HSD17B4: variants seen among roughly 807,000 people sequenced by gnomAD.
The protein encoded by HSD17B4 is peroxisomal multifunctional enzyme type 2.
HSD17B4 carries 70 observed loss-of-function variants against 101.0 expected under a neutral mutation model. That is an observed-to-expected ratio of 0.69 (90% confidence interval 0.57 to 0.85). HSD17B4 has a LOEUF of 0.85. Ranked by LOEUF, HSD17B4 falls within the 40% of genes least tolerant of loss-of-function variation. The pLI, the probability that HSD17B4 is intolerant of heterozygous loss-of-function variation, is 0.00. For missense variants in HSD17B4, 984 were observed against 892.4 expected, an observed-to-expected ratio of 1.10 and a Z score of -1.31; for synonymous variants, 347 against 297.1, an observed-to-expected ratio of 1.17 and a Z score of -1.73.
chr5:119,471,832 T>C, intron 2 of HSD17B4: 4 of 548,906 alleles, frequency 7.3e-6, no homozygotes, highest in Non-Finnish European at 1.3e-5. Flanking sequence ...TTTGTTCTTA[T>C]TTGATTATGT....
intron 8 of HSD17B4, among the ~76,000 whole-genome samples, chr5:119,482,079 C>T (rs1013282067): frequency 2.0e-5 from 3 of 152,074 alleles, no homozygotes; most frequent in Non-Finnish European, 4.4e-5. Context: ...TCTCAGCCAT[C>T]ACTCCTTCAA....
intron 7 of HSD17B4, 47 bp downstream of exon 7, chr5:119,477,548 G>C (rs1431065756): frequency 1.7e-6 from 2 of 1,209,550 alleles, no homozygotes; most frequent in African/African-American, 3.0e-5. Context: ...TGTTGTGTCT[G>C]GGGGTTCTTG....
chr5:119,470,976 A>C (rs1373770387), intron 2 of HSD17B4, among the ~76,000 whole-genome samples: 1 of 152,222 alleles, frequency 6.6e-6, no homozygotes, highest in African/African-American at 2.4e-5. Flanking sequence ...TGATCTCAAT[A>C]AATTATTTAT....
chr5:119,513,718 C>G (rs1040627930), intron 16 of HSD17B4, among the ~76,000 whole-genome samples: 1 of 152,170 alleles, frequency 6.6e-6, no homozygotes, highest in African/African-American at 2.4e-5. Context: ...ATACCATTCT[C>G]TAAGCACTTA....
intron 20 of HSD17B4, among the ~76,000 whole-genome samples, chr5:119,527,924 A>G (rs1240074885): frequency 1.3e-5 from 2 of 152,142 alleles, no homozygotes; most frequent in Admixed American, 1.3e-4. Context: ...CCAGTAAAAT[A>G]CTAAAAGGAC....
chr5:119,501,527 T>C (rs1264220767), intron 13 of HSD17B4, among the ~76,000 whole-genome samples: 2 of 152,168 alleles, frequency 1.3e-5, no homozygotes, highest in Non-Finnish European at 2.9e-5. Context: ...TCTTTGTAGA[T>C]AATTTACAAA....
chr5:119,479,059 T>TA, intron 8 of HSD17B4, 38 bp downstream of exon 8: 1 of 1,437,546 alleles, frequency 7.0e-7, no homozygotes, highest in Non-Finnish European at 9.8e-7. Context: ...TGCTGTTACT[T>TA]ACAAACCTAT....
At chr5:119,475,007 G>A (rs542666474) in intron 4 of HSD17B4, among the ~76,000 whole-genome samples, 2 of 152,022 alleles carry the variant, frequency 1.3e-5, no homozygotes, top group African/African-American at 2.4e-5. Flanking sequence ...GAGACATCAC[G>A]GAACATAAGC....
chr5:119,499,909 G>A (rs1751005530), intron 13 of HSD17B4, among the ~76,000 whole-genome samples: 1 of 152,112 alleles, frequency 6.6e-6, no homozygotes, highest in African/African-American at 2.4e-5. Context: ...CATGACATTG[G>A]TGAAGAAGCA....
intron 2 of HSD17B4, 81 bp from the exon 3 acceptor site, chr5:119,473,827 A>C: frequency 1.2e-6 from 1 of 838,148 alleles, no homozygotes; most frequent in South Asian, 1.4e-5. Flanking sequence ...TAGTAATTAG[A>C]ATTTCATTTT....
intron 2 of HSD17B4, among the ~76,000 whole-genome samples, chr5:119,466,641 T>A (rs1333768064): frequency 6.6e-6 from 1 of 152,138 alleles, no homozygotes; most frequent in Non-Finnish European, 1.5e-5. Context: ...CAGTTGTAAA[T>A]GCCTTTTTTT....
In HSD17B4 at chr5:119,527,116, A is replaced by G. The variant is rs756058299; in HGVS notation, c.1681-17A>G. On this transcript the variant is annotated splice_polypyrimidine_tract_variant and intron_variant, in intron 19 of 23. Coordinates refer to ENST00000510025, the MANE Select transcript of HSD17B4 (RefSeq NM_000414.4). ...TTCCTTTTAAAACATTTTTAACCCC[A>G]CAATTCTTTTTTAAAGGCTCGTTTT... 53 of 1,487,098 alleles carry G rather than the reference A, an allele frequency of 3.6e-5. 2 individuals carry two copies. The South Asian group carries it at 5.7e-4, about 16-fold the overall frequency. The allele number at this position is 1,487,098 out of a possible 1,614,324, so 92.1% of individuals were successfully genotyped here. A position where few individuals can be genotyped will look rare whatever the true frequency, so the allele number is the denominator to read the frequency against.
At chr5:119,516,747 G>A (rs1051061747) in intron 17 of HSD17B4, among the ~76,000 whole-genome samples, 3 of 152,216 alleles carry the variant, frequency 2.0e-5, no homozygotes, top group African/African-American at 7.2e-5. Context: ...ATTAGAAGAA[G>A]TGTCATCTAT....
intron 14 of HSD17B4, among the ~76,000 whole-genome samples, chr5:119,505,494 T>A (rs1751561888): frequency 6.6e-6 from 1 of 152,148 alleles, no homozygotes; most frequent in Non-Finnish European, 1.5e-5. Context: ...ATATTTTATT[T>A]TTTTGTGCTA....
intron 2 of HSD17B4, among the ~76,000 whole-genome samples, chr5:119,472,221 C>A (rs992772233): frequency 1.3e-5 from 2 of 152,090 alleles, no homozygotes; most frequent in Non-Finnish European, 2.9e-5. Context: ...TAAGCTCATG[C>A]GTGTTTCTTT....
intron 9 of HSD17B4, among the ~76,000 whole-genome samples, chr5:119,490,718 A>C (rs1038367318): frequency 1.3e-5 from 2 of 151,944 alleles, no homozygotes; most frequent in African/African-American, 2.4e-5. Context: ...ACAGGCACCC[A>C]CCACCAAACC....
At chr5:119,526,652 T>C (rs1753626898) in intron 19 of HSD17B4, among the ~76,000 whole-genome samples, 1 of 152,022 alleles carries the variant, frequency 6.6e-6, no homozygotes, top group African/African-American at 2.4e-5. Context: ...TAACACTAAT[T>C]ACTCTCATGC....
Position 119,478,898 on chromosome 5 carries a change from G to T in HSD17B4, c.499G>T (p.Ala167Ser). Reference protein sequence around the residue: ...GNFGQANYSAAKLGLLGLANS... With the variant: ...GNFGQANYSASKLGLLGLANS... ...CTTTGGCCAGGCCAATTATAGTGCT[G>T]CAAAGTTGGGTCTTCTGGGCCTTGC... is the stretch of plus-strand genomic sequence containing the variant. The change falls in exon 8 of 24, where the codon GCA becomes TCA. Residue 167 changes from alanine to serine, a missense_variant. Ala to Ser is a moderately conservative substitution (Grantham distance 99, BLOSUM62 1). Coordinates refer to ENST00000510025, the MANE Select transcript of HSD17B4 (RefSeq NM_000414.4). 6.2e-7 allele frequency: 1 copy of T among 1,613,638 alleles called. No homozygotes were observed. Among genetic ancestry groups the T allele is most frequent in the Non-Finnish European group, 8.5e-7 (1 of 1,179,660 alleles).
chr5:119,463,261 G>GATGCATGGAT (rs1321309127), intron 2 of HSD17B4, among the ~76,000 whole-genome samples: 1 of 152,122 alleles, frequency 6.6e-6, no homozygotes, highest in Non-Finnish European at 1.5e-5. Flanking sequence ...ATCTGTTGAT[G>GATGCATGGAT]AACGCTTAGG....
Sources: allele counts gnomAD v4.1 joint callset (sites outside exome capture counted in the v4.1 genomes callset), GRCh38; gene constraint gnomAD v4.1.1; transcripts MANE v1.5; gene names NCBI Gene and HGNC (gene_info 2026-07-23, HGNC 2026-07-21).